Variants in STARD7 observed in about 807,000 individuals in gnomAD.
The protein encoded by STARD7 is StAR related lipid transfer domain containing 7.
Under a neutral mutation model 45.3 loss-of-function variants are expected in STARD7, and 30 were observed. The ratio of observed to expected loss-of-function variants is 0.66; its 90% CI spans 0.50 to 0.90. The LOEUF (loss-of-function observed/expected upper bound fraction) is 0.90, where lower values mean the gene tolerates loss of function less well. Among genes scored for constraint, STARD7 ranks in the 40% least tolerant of loss-of-function variants. The pLI, the probability that STARD7 is intolerant of heterozygous loss-of-function variation, is 0.00. For synonymous variants in STARD7, 199 were observed against 183.0 expected (o/e 1.09, Z -0.70); for missense variants, 495 against 491.3 (o/e 1.01, Z -0.07).
chr2:96,193,280 T>A lies in STARD7; in HGVS notation c.622A>T (p.Ser208Cys), dbSNP rs768599369. The part of the protein sequence containing the change: ...KLEVIERDVV[S>C]GSEVLHWVTH... ...ACCCAGTGAAGAACCTCGGAACCACTAACCACATCCCTCTCAATCACCTCC... is the reference window on the plus strand; with the variant it reads ...ACCCAGTGAAGAACCTCGGAACCACAAACCACATCCCTCTCAATCACCTCC... Residue 208 changes from serine (S) to cysteine (C), a missense_variant, in exon 4 of 8, where the codon AGT (serine) becomes TGT (cysteine). Transcript: ENST00000337288. 5.0e-6 allele frequency: 8 copies of A among 1,613,892 alleles called. No homozygotes were observed. The highest frequency in any genetic ancestry group is 6.8e-6 in the Non-Finnish European group (8 of 1,179,798).
chr2:96,186,686 A>G lies in STARD7; in HGVS notation c.*44T>C. On this transcript the variant is annotated 3_prime_UTR_variant, in exon 8 of 8. Transcript: ENST00000337288. ...TCTACAGCAGAGTGATAACGGACTGAGACAGGGCTAGAAGCACCTTGTCCC... is the reference window on the plus strand; with the variant it reads ...TCTACAGCAGAGTGATAACGGACTGGGACAGGGCTAGAAGCACCTTGTCCC... 6.7e-7 allele frequency: 1 copy of G among 1,497,642 alleles called. No individual in the cohort carries two copies. The allele number at this position is 1,497,642 out of a possible 1,614,324, so 92.8% of individuals were successfully genotyped here.
Position 96,186,759 on chromosome 2 carries a change from A to G in STARD7, c.1084T>C (p.Cys362Arg). 1.2e-6 allele frequency: 2 copies of G among 1,613,248 alleles called. No homozygotes were observed. Among genetic ancestry groups the G allele is most frequent in the South Asian group, 2.2e-5 (2 of 90,922 alleles). ...GCATACTCAATCCGAGCAGGGCCAC[A>G]GCTGCCCTCGTTCTTTCGCTCAGAG... ...QSSERKNEGS[C>R]GPARIEYA The change falls in exon 8 of 8, where the codon TGT becomes CGT. Residue 362 changes from cysteine (C) to arginine (R), a missense_variant. Physicochemically the swap from Cys to Arg is radical, Grantham distance 180 (BLOSUM62 -3). Around this residue, in one of 2 missense-constraint regions of STARD7, gnomAD observed 213 missense variants for 271.2 expected, o/e 0.79. Coordinates refer to ENST00000337288, the MANE Select transcript of STARD7 (RefSeq NM_020151.4).
chr2:96,192,942 CTGGA>C (rs1683147982), intron 5 of STARD7, 132 bp downstream of exon 5: 1 of 669,706 alleles, frequency 1.5e-6, no homozygotes, highest in African/African-American at 1.8e-5. Context: ...CATCTTCTAG[CTGGA>C]TGGAAGGGGC....
chr2:96,204,425 G>A (rs1683355337), intron 1 of STARD7, among the ~76,000 whole-genome samples: 1 of 151,558 alleles, frequency 6.6e-6, no homozygotes, highest in Non-Finnish European at 1.5e-5. Context: ...GTGGTGGCAA[G>A]CACCTGTAAT....
At chr2:96,206,360 T>C (rs886166304) in intron 1 of STARD7, among the ~76,000 whole-genome samples, 3 of 152,144 alleles carry the variant, frequency 2.0e-5, no homozygotes, top group African/African-American at 7.2e-5. Flanking sequence ...CTTTCCTCTC[T>C]TTTGTACCCA....
chr2:96,208,489 A>G lies in STARD7; in HGVS notation c.-55T>C. ...TCCGGGGCCCAAGGAACCAGTCCGG[A>G]GGGGCGCAGGCGGTGGTCGCAGCGT... On this transcript the variant is annotated 5_prime_UTR_variant, in exon 1 of 8. Coordinates refer to ENST00000337288, the MANE Select transcript of STARD7 (RefSeq NM_020151.4). 1 of 1,329,918 alleles carries G rather than the reference A, an allele frequency of 7.5e-7. No individual in the cohort carries two copies. Among genetic ancestry groups the G allele is most frequent in the Non-Finnish European group, 9.6e-7 (1 of 1,043,028 alleles). The allele number at this position is 1,329,918 out of a possible 1,614,324, so 82.4% of individuals were successfully genotyped here. A position where few individuals can be genotyped will look rare whatever the true frequency, so the allele number is the denominator to read the frequency against.
chr2:96,205,576 T>A (rs2104208186), intron 1 of STARD7, among the ~76,000 whole-genome samples: 1 of 152,328 alleles, frequency 6.6e-6, no homozygotes, highest in Admixed American at 6.5e-5. Flanking sequence ...TGCTCCATTA[T>A]GGAAGCTACC....
At chr2:96,199,895 CTT>C (rs1215477023) in intron 1 of STARD7, among the ~76,000 whole-genome samples, 3 of 152,096 alleles carry the variant, frequency 2.0e-5, no homozygotes, top group African/African-American at 7.2e-5. Context: ...TTGTCAAATA[CTT>C]TTTGTGTTTA....
chr2:96,204,766 G>A lies in STARD7; in HGVS notation c.290+3379C>T, dbSNP rs1235349077. ...ACAATGGCCAAAAAAAAAAAAAAAA[G>A]TTCCTTTAAGGCAAAAGGACTTTAT... On this transcript the variant is annotated intron_variant, in intron 1 of 7. Coordinates refer to ENST00000337288, the MANE Select transcript of STARD7 (RefSeq NM_020151.4). Among the ~76,000 whole-genome samples, 434 of 102,688 alleles carry A rather than the reference G, an allele frequency of 4.2e-3. 1 individual carries two copies. Among genetic ancestry groups the A allele is most frequent in the East Asian group, 8.5e-3 (24 of 2,820 alleles). 67.4% of individuals were successfully genotyped at this position (102,688 alleles called of 152,430 possible).
At chr2:96,197,066 C>CAAAATAAAGTAAAAT (rs1683223019) in intron 1 of STARD7, among the ~76,000 whole-genome samples, 1 of 89,740 alleles carries the variant, frequency 1.1e-5, no homozygotes, top group Non-Finnish European at 2.3e-5. Flanking sequence ...AACTCCGTCT[C>CAAAATAAAGTAAAAT]AAAATAAAAT....
chr2:96,208,347 C>A lies in STARD7; in HGVS notation c.88G>T (p.Val30Phe). 1.9e-6 allele frequency: 3 copies of A among 1,592,080 alleles called. No individual in the cohort carries two copies. Among genetic ancestry groups the A allele is most frequent in the Non-Finnish European group, 2.6e-6 (3 of 1,174,422 alleles). ...LALLANQCRFVTGLRVRRAQQ... is the reference protein window; with the variant it reads ...LALLANQCRFFTGLRVRRAQQ... ...GCGCGCCGCACGCGCAGGCCCGTGA[C>A]GAAGCGGCACTGATTGGCCAGAAGC... Residue 30 changes from valine to phenylalanine, a missense_variant, in exon 1 of 8, where the codon GTC becomes TTC. Coordinates refer to ENST00000337288, the MANE Select transcript of STARD7 (RefSeq NM_020151.4).
At chr2:96,188,586 T>C (rs1683074381) in intron 6 of STARD7, among the ~76,000 whole-genome samples, 1 of 151,444 alleles carries the variant, frequency 6.6e-6, no homozygotes, top group Non-Finnish European at 1.5e-5. Flanking sequence ...AGACTCCGTC[T>C]TTAAAAAACA....
At chr2:96,190,215 T>C (rs1017254663) in intron 6 of STARD7, among the ~76,000 whole-genome samples, 11 of 152,186 alleles carry the variant, frequency 7.2e-5, no homozygotes, top group Non-Finnish European at 1.5e-4. Flanking sequence ...CAAGACAGCT[T>C]CTGGGGTCAT....
intron 7 of STARD7, 86 bp downstream of exon 7, chr2:96,187,131 G>T: frequency 9.4e-7 from 1 of 1,069,428 alleles, no homozygotes; most frequent in Non-Finnish European, 1.4e-6. Context: ...AGAACCAGAA[G>T]AGACGTTTTA....
At chr2:96,205,741 C>G (rs1236389682) in intron 1 of STARD7, among the ~76,000 whole-genome samples, 1 of 152,132 alleles carries the variant, frequency 6.6e-6, no homozygotes. Flanking sequence ...ATAAACATGA[C>G]AAGCTATCAA....
At chr2:96,198,411 C>T (rs1683257304) in intron 1 of STARD7, among the ~76,000 whole-genome samples, 1 of 151,988 alleles carries the variant, frequency 6.6e-6, no homozygotes, top group South Asian at 2.1e-4. Context: ...TTCCTAGGAG[C>T]AGATTTGATG....
chr2:96,186,960 G>C (rs1470604055), intron 7 of STARD7, 46 bp from the exon 8 acceptor site: 1 of 1,543,678 alleles, frequency 6.5e-7, no homozygotes, highest in Admixed American at 1.9e-5. Context: ...CAAACCAACA[G>C]TAGGCTCAAA....
intron 6 of STARD7, among the ~76,000 whole-genome samples, chr2:96,190,643 A>G (rs972798542): frequency 5.3e-5 from 8 of 150,002 alleles, no homozygotes; most frequent in Non-Finnish European, 1.0e-4. Flanking sequence ...TGGCTTTTTT[A>G]TTTTTTATTT....
intron 1 of STARD7, among the ~76,000 whole-genome samples, chr2:96,197,070 A>AAACTAACC (rs1573943516): frequency 4.1e-5 from 4 of 96,414 alleles, no homozygotes; most frequent in Middle Eastern, 5.0e-3. Flanking sequence ...CCGTCTCAAA[A>AAACTAACC]TAAAATAAAA....
Sources: allele counts gnomAD v4.1 joint callset (sites outside exome capture counted in the v4.1 genomes callset), GRCh38; gene constraint gnomAD v4.1.1; regional missense constraint gnomAD v4.1.1; transcripts MANE v1.5; gene names NCBI Gene and HGNC (gene_info 2026-07-23, HGNC 2026-07-21).